KIF27: variants seen among roughly 807,000 people sequenced by gnomAD.
KIF27 encodes kinesin family member 27.
In KIF27, 84 loss-of-function variants were observed where a neutral mutation model predicts 141.8. The ratio of observed to expected loss-of-function variants is 0.59; its 90% CI spans 0.50 to 0.71. The LOEUF (loss-of-function observed/expected upper bound fraction) is 0.71. Among genes scored for constraint, KIF27 ranks in the 30% least tolerant of loss-of-function variants. The pLI, the probability that KIF27 is intolerant of heterozygous loss-of-function variation, is 0.00. For missense variants in KIF27, 1,306 were observed against 1,628.4 expected, an observed-to-expected ratio of 0.80 and a Z score of 3.41; for synonymous variants, 471 against 569.5, an observed-to-expected ratio of 0.83 and a Z score of 2.46.
chr9:83,859,144 A>C lies in KIF27; in HGVS notation c.3150+12T>G, dbSNP rs1398710259. ...CATACAGCACCTCCAGTTCCAAAGA[A>C]TACTGACTTACTTCAGGTGATAACA... On this transcript the variant is annotated intron_variant, in intron 14 of 17. Transcript: ENST00000297814. 9 of 1,574,390 alleles carry C rather than the reference A, an allele frequency of 5.7e-6. No individual in the cohort carries two copies. The East Asian group carries it at 9.0e-5, about 16-fold the overall frequency.
chr9:83,900,792 C>T (rs1472473605), intron 4 of KIF27, among the ~76,000 whole-genome samples: 1 of 151,522 alleles, frequency 6.6e-6, no homozygotes, highest in Non-Finnish European at 1.5e-5. Context: ...CCAACTCCAA[C>T]ATTCAAGCTT....
rs1948396815 is a variant in KIF27, at chr9:83,850,308, C to T, written c.3358-11G>A. The T allele has an allele frequency of 6.3e-7, 1 of 1,581,998 alleles. No homozygotes were observed. Among genetic ancestry groups the T allele is most frequent in the Non-Finnish European group, 8.7e-7 (1 of 1,151,044 alleles). ...TCGCAAATTCACCACCTAACAAATA[C>T]ATATTTTGACCTGTTAAGTGTGTCT... On this transcript the variant is annotated splice_polypyrimidine_tract_variant and intron_variant, in intron 15 of 17. Transcript: ENST00000297814.
intron 14 of KIF27, among the ~76,000 whole-genome samples, chr9:83,857,302 A>G (rs1447897287): frequency 1.3e-5 from 2 of 152,258 alleles, no homozygotes; most frequent in East Asian, 1.9e-4. Flanking sequence ...GTGTCGTCAC[A>G]TCAGAATCTC....
intron 14 of KIF27, among the ~76,000 whole-genome samples, chr9:83,855,635 T>G (rs993096661): frequency 6.6e-6 from 1 of 152,212 alleles, no homozygotes. Flanking sequence ...ATTTTTTTTC[T>G]TATTAACTTT....
intron 11 of KIF27, among the ~76,000 whole-genome samples, chr9:83,871,632 C>T (rs1336906118): frequency 4.0e-5 from 6 of 151,282 alleles, no homozygotes; most frequent in Non-Finnish European, 5.9e-5. Context: ...TGAGAATAGA[C>T]TTGGAAGACA....
intron 14 of KIF27, chr9:83,858,598 T>C (rs1040758456): frequency 4.6e-5 from 7 of 152,486 alleles, no homozygotes; most frequent in African/African-American, 1.7e-4. Flanking sequence ...TTTAAAAAAC[T>C]ATAACTAAAA....
intron 17 of KIF27, among the ~76,000 whole-genome samples, chr9:83,841,766 G>A (rs542697454): frequency 6.6e-6 from 1 of 152,134 alleles, no homozygotes; most frequent in South Asian, 2.1e-4. Context: ...ATCTACATAT[G>A]ATTATACAAG....
At position 83,862,897 on chromosome 9, in the gene KIF27, G is replaced by T. The variant is rs578231897; in HGVS notation, c.2935-3526C>A. Among the ~76,000 whole-genome samples the T allele has an allele frequency of 1.6e-4, 24 of 152,108 alleles. No homozygotes were observed. The South Asian group carries it at 2.1e-3, about 13-fold the overall frequency. The stretch of plus-strand genomic sequence containing the variant: ...CCTTGAAGAGATCCTTCACATCCCT[G>T]GTAAGTTGGATTCCTAGGTATTTTA... On this transcript the variant is annotated intron_variant, in intron 13 of 17. Coordinates refer to ENST00000297814, the MANE Select transcript of KIF27 (RefSeq NM_017576.4).
intron 3 of KIF27, among the ~76,000 whole-genome samples, chr9:83,905,267 C>T (rs1222305939): frequency 6.6e-6 from 1 of 152,034 alleles, no homozygotes; most frequent in Non-Finnish European, 1.5e-5. Flanking sequence ...TACAGGCGCC[C>T]ACCACCACGC....
chr9:83,907,970 G>C (rs1954730991), intron 3 of KIF27, among the ~76,000 whole-genome samples: 1 of 152,212 alleles, frequency 6.6e-6, no homozygotes, highest in African/African-American at 2.4e-5. Flanking sequence ...AGTGATTTAA[G>C]AGAGATTAAT....
intron 14 of KIF27, chr9:83,855,274 G>C (rs1463308137): frequency 6.6e-6 from 1 of 152,226 alleles, no homozygotes; most frequent in Non-Finnish European, 1.5e-5. Context: ...GACTTCAGGT[G>C]ATCTCCCTGC....
intron 13 of KIF27, among the ~76,000 whole-genome samples, chr9:83,866,348 A>G (rs567227892): frequency 1.1e-3 from 160 of 152,304 alleles, no homozygotes; most frequent in Middle Eastern, 6.8e-3. Context: ...GTGATAGCAT[A>G]TATGTAGGGT....
chr9:83,896,451 A>G (rs1953268082), intron 5 of KIF27, among the ~76,000 whole-genome samples: 2 of 152,078 alleles, frequency 1.3e-5, no homozygotes, highest in South Asian at 4.1e-4. Flanking sequence ...GAAAAATAAA[A>G]TTTTTTAAAG....
intron 17 of KIF27, among the ~76,000 whole-genome samples, chr9:83,841,157 G>A (rs1304735835): frequency 6.6e-6 from 1 of 151,590 alleles, no homozygotes. Flanking sequence ...TGCAACCTCC[G>A]CCTCCCGGGT....
intron 10 of KIF27, among the ~76,000 whole-genome samples, chr9:83,882,917 G>A (rs1951798404): frequency 6.6e-6 from 1 of 152,088 alleles, no homozygotes; most frequent in Admixed American, 6.6e-5. Flanking sequence ...ATTTTTAGTG[G>A]AAATATCCAG....
At chr9:83,885,129 G>A (rs1951984076) in intron 9 of KIF27, among the ~76,000 whole-genome samples, 1 of 152,128 alleles carries the variant, frequency 6.6e-6, no homozygotes, top group Non-Finnish European at 1.5e-5. Flanking sequence ...GCCTCGCTCT[G>A]TCACCCAGGC....
At chr9:83,844,840 T>C (rs1353483122) in intron 16 of KIF27, among the ~76,000 whole-genome samples, 7 of 152,178 alleles carry the variant, frequency 4.6e-5, no homozygotes, top group Non-Finnish European at 1.0e-4. Context: ...GAAGGATAAG[T>C]TGCTACATTC....
intron 2 of KIF27, among the ~76,000 whole-genome samples, chr9:83,910,899 G>A (rs1955085494): frequency 6.6e-6 from 1 of 152,022 alleles, no homozygotes; most frequent in African/African-American, 2.4e-5. Flanking sequence ...CTACAAGGGG[G>A]AAGCAAACCA....
intron 4 of KIF27, among the ~76,000 whole-genome samples, chr9:83,900,690 TATCA>T (rs1308328834): frequency 6.6e-6 from 1 of 152,030 alleles, no homozygotes; most frequent in Non-Finnish European, 1.5e-5. Flanking sequence ...ACCAAATGCC[TATCA>T]ATCAACGAAT....
Sources: gnomAD v4.1 joint callset for allele counts (sites outside exome capture counted in the v4.1 genomes callset) on GRCh38, gnomAD v4.1.1 for gene constraint, MANE v1.5 for transcripts, NCBI Gene and HGNC (gene_info 2026-07-23, HGNC 2026-07-21) for gene names.